Variants in HSPA4 observed in about 807,000 individuals in gnomAD.
HSPA4 encodes heat shock protein family A (Hsp70) member 4.
HSPA4 carries 25 observed loss-of-function variants against 106.2 expected under a neutral mutation model. That is an observed-to-expected ratio of 0.24 (90% CI 0.17 to 0.33). HSPA4 has a LOEUF of 0.33. HSPA4 is among the 10% of genes least tolerant of loss of function. HSPA4 has a pLI of 1.00. For missense variants in HSPA4, 841 were observed against 996.0 expected (o/e 0.84, Z 2.10); for synonymous variants, 332 against 333.6 (o/e 1.00, Z 0.05).
At chr5:133,085,489 T>TTAAAAAAAAAAAAAAAAA (rs1554089513) in intron 7 of HSPA4, among the ~76,000 whole-genome samples, 9 of 110,272 alleles carry the variant, frequency 8.2e-5, no homozygotes, top group African/African-American at 4.5e-4. Flanking sequence ...CCATCTCTAC[T>TTAAAAAAAAAAAAAAAAA]AAAAAAAAAA....
chr5:133,085,596 G>T (rs1032959983), intron 7 of HSPA4, among the ~76,000 whole-genome samples: 5 of 151,974 alleles, frequency 3.3e-5, no homozygotes, highest in African/African-American at 1.2e-4. Flanking sequence ...GAAGGTGGAG[G>T]TTGCAGTGAG....
intron 18 of HSPA4, 65 bp downstream of exon 18, chr5:133,104,091 A>C (rs1765824468): frequency 9.0e-6 from 13 of 1,439,786 alleles, no homozygotes; most frequent in Non-Finnish European, 1.2e-5. Flanking sequence ...TCCTCAAGTG[A>C]CACTTAGGAG....
At position 133,103,890 on chromosome 5, in the gene HSPA4, C is replaced by G. The variant is rs1005979677; in HGVS notation, c.2183C>G (p.Ala728Gly). 1 of 1,613,978 alleles carries G rather than the reference C, an allele frequency of 6.2e-7. No individual in the cohort carries two copies. The highest frequency in any genetic ancestry group is 8.5e-7 in the Non-Finnish European group (1 of 1,179,942). Residue 728 changes from alanine (A) to glycine (G), a missense_variant, in exon 18 of 19, where the codon GCT becomes GGT. Transcript: ENST00000304858. Reference sequence around the variant, plus strand: ...GAGGACCAGTATGATCATTTGGATGCTGCTGACATGACAAAGGTAGAAAAA... The same window carrying G: ...GAGGACCAGTATGATCATTTGGATGGTGCTGACATGACAAAGGTAGAAAAA... ...NKEDQYDHLDAADMTKVEKST... is the reference protein window; with the variant it reads ...NKEDQYDHLDGADMTKVEKST...
chr5:133,091,123 G>GT (rs1252584986), intron 11 of HSPA4, 70 bp from the exon 12 acceptor site: 3 of 1,228,952 alleles, frequency 2.4e-6, no homozygotes, highest in Non-Finnish European at 3.6e-6. Flanking sequence ...ATCTAGCAAT[G>GT]TAGGCATATA....
chr5:133,078,377 A>C (rs1348038199), intron 7 of HSPA4, among the ~76,000 whole-genome samples: 1 of 151,690 alleles, frequency 6.6e-6, no homozygotes, highest in Non-Finnish European at 1.5e-5. Flanking sequence ...ATGGTGGCTC[A>C]CTCCTGTAAT....
intron 16 of HSPA4, among the ~76,000 whole-genome samples, chr5:133,099,951 C>T (rs1369934527): frequency 2.0e-5 from 3 of 152,158 alleles, no homozygotes; most frequent in Non-Finnish European, 4.4e-5. Flanking sequence ...CCTAAAGGCA[C>T]AGGGAATGCA....
intron 1 of HSPA4, among the ~76,000 whole-genome samples, chr5:133,058,515 TAAA>T (rs901609559): frequency 6.6e-6 from 1 of 150,450 alleles, no homozygotes; most frequent in African/African-American, 2.5e-5. Context: ...TTGTCTCTAC[TAAA>T]AAATACAAAA....
chr5:133,053,231 C>T (rs373201953), intron 1 of HSPA4, among the ~76,000 whole-genome samples: 1 of 151,620 alleles, frequency 6.6e-6, no homozygotes, highest in East Asian at 1.9e-4. Flanking sequence ...CAGTGTCTGC[C>T]TTTTGAATAC....
At chr5:133,082,479 T>C (rs192783623) in intron 7 of HSPA4, among the ~76,000 whole-genome samples, 4 of 152,328 alleles carry the variant, frequency 2.6e-5, no homozygotes, top group African/African-American at 9.6e-5. Flanking sequence ...AATTTATTTC[T>C]TTTTGAAACA....
Position 133,098,505 on chromosome 5 carries a change from A to G in HSPA4, c.1930-1040A>G, listed in dbSNP as rs1469228743. 2.2e-5 allele frequency among the ~76,000 whole-genome samples: 3 copies of G among 135,358 alleles called. No individual in the cohort carries two copies. In the East Asian group the frequency reaches 6.6e-4, roughly 30 times the overall value. The allele number at this position is 135,358 out of a possible 152,430, so 88.8% of individuals were successfully genotyped here. A position where few individuals can be genotyped will look rare whatever the true frequency, so the allele number is the denominator to read the frequency against. ...TTTTTTTTTTTTTGTATTTTTTTTTAGTAGAGATGGGGTTTCACCGTGTTA... is the reference window on the plus strand; with the variant it reads ...TTTTTTTTTTTTTGTATTTTTTTTTGGTAGAGATGGGGTTTCACCGTGTTA... On this transcript the variant is annotated intron_variant, in intron 15 of 18. Coordinates refer to ENST00000304858, the MANE Select transcript of HSPA4 (RefSeq NM_002154.4).
intron 8 of HSPA4, 120 bp downstream of exon 8, chr5:133,086,978 A>G: frequency 7.0e-6 from 5 of 713,082 alleles, no homozygotes; most frequent in South Asian, 1.8e-5. Flanking sequence ...ATTCAGTGGT[A>G]TATATTAAAC....
intron 8 of HSPA4, among the ~76,000 whole-genome samples, 173 bp from the exon 9 acceptor site, chr5:133,088,231 C>T (rs1765602465): frequency 6.6e-6 from 1 of 152,124 alleles, no homozygotes; most frequent in South Asian, 2.1e-4. Flanking sequence ...AAAACACCTA[C>T]TTGTTTCCAG....
In HSPA4 at chr5:133,058,849, C is replaced by T. The variant is rs202243660; in HGVS notation, c.108-6131C>T. On this transcript the variant is annotated intron_variant, in intron 1 of 18. Transcript: ENST00000304858. ...CTCTACAAAAAGTACAAAAATTGGC[C>T]GGGTGTGGTGGCTCACACCTGTAAT... Among the ~76,000 whole-genome samples, 4 of 150,972 alleles carry T rather than the reference C, an allele frequency of 2.6e-5. No homozygotes were observed. In the East Asian group the frequency reaches 6.0e-4, roughly 23 times the overall value.
At chr5:133,084,058 A>T (rs767690376) in intron 7 of HSPA4, among the ~76,000 whole-genome samples, 4 of 152,208 alleles carry the variant, frequency 2.6e-5, no homozygotes, top group African/African-American at 4.8e-5. Context: ...TTTGTAACTA[A>T]TGCCATTATT....
At chr5:133,060,851 G>A (rs939919077) in intron 1 of HSPA4, among the ~76,000 whole-genome samples, 12 of 129,260 alleles carry the variant, frequency 9.3e-5, no homozygotes, top group African/African-American at 2.8e-4. Context: ...ACAAGGTCTC[G>A]CTCTGTCACT....
At position 133,094,172 on chromosome 5, in the gene HSPA4, A is replaced by C. The variant is rs572317081; in HGVS notation, c.1650+1383A>C. Among the ~76,000 whole-genome samples the C allele has an allele frequency of 7.8e-4, 119 of 152,344 alleles. 1 individual carries two copies. In the South Asian group the frequency reaches 0.024, roughly 30 times the overall value. ...TAAATAATGTATTTATTTCAAAAAGAGTAGTAACATTTTTGAATCCTTTAC... is the reference window on the plus strand; with the variant it reads ...TAAATAATGTATTTATTTCAAAAAGCGTAGTAACATTTTTGAATCCTTTAC... On this transcript the variant is annotated intron_variant, in intron 13 of 18. Coordinates refer to ENST00000304858, the MANE Select transcript of HSPA4 (RefSeq NM_002154.4).
intron 7 of HSPA4, among the ~76,000 whole-genome samples, chr5:133,078,665 T>C (rs1010287579): frequency 6.6e-6 from 1 of 150,800 alleles, no homozygotes; most frequent in African/African-American, 2.4e-5. Flanking sequence ...AAAGTTGTAC[T>C]GTATTTACAT....
In HSPA4 at chr5:133,096,258, T is replaced by C. The variant is rs750731578; in HGVS notation, c.1803+8T>C. On this transcript the variant is annotated splice_region_variant and intron_variant, in intron 14 of 18. Coordinates refer to ENST00000304858, the MANE Select transcript of HSPA4 (RefSeq NM_002154.4). The stretch of plus-strand genomic sequence containing the variant: ...TTGTACATTGAAAATGAGGTTGTTA[T>C]TTAAAGTCTATTGGAACAATGAGCT... 7 of 1,610,340 alleles carry C rather than the reference T, an allele frequency of 4.3e-6. No individual in the cohort carries two copies. In the African/African-American group the frequency reaches 5.3e-5, roughly 12 times the overall value.
At chr5:133,065,528 G>T (rs774470666) in intron 2 of HSPA4, among the ~76,000 whole-genome samples, 1 of 152,160 alleles carries the variant, frequency 6.6e-6, no homozygotes, top group Non-Finnish European at 1.5e-5. Flanking sequence ...GAAGCACCTG[G>T]CCTTAAAATA....
Sources: allele counts gnomAD v4.1 joint callset (sites outside exome capture counted in the v4.1 genomes callset), GRCh38; gene constraint gnomAD v4.1.1; transcripts MANE v1.5; gene names NCBI Gene and HGNC (gene_info 2026-07-23, HGNC 2026-07-21).